BCKDHB: variants seen among roughly 807,000 people sequenced by gnomAD.
BCKDHB encodes the protein 2-oxoisovalerate dehydrogenase subunit beta, mitochondrial.
Under a neutral mutation model 48.5 loss-of-function variants are expected in BCKDHB, and 41 were observed. That is an observed-to-expected ratio of 0.85 (90% CI 0.66 to 1.10). The LOEUF (loss-of-function observed/expected upper bound fraction) is 1.10, where lower values mean the gene tolerates loss of function less well. Among genes scored for constraint, BCKDHB ranks in the 50% least tolerant of loss-of-function variants. The pLI is 0.00. For missense variants in BCKDHB, 496 were observed against 494.2 expected (o/e 1.00, Z -0.03); for synonymous variants, 201 against 174.8 (o/e 1.15, Z -1.18).
At chr6:80,287,699 A>G (rs914695181) in intron 9 of BCKDHB, among the ~76,000 whole-genome samples, 1 of 152,130 alleles carries the variant, frequency 6.6e-6, no homozygotes, top group African/African-American at 2.4e-5. Flanking sequence ...TAAAAGCTTG[A>G]TGGAGCTGGA....
chr6:80,203,093 T>G lies in BCKDHB; in HGVS notation c.841-9T>G, dbSNP rs774698097. Reference sequence around the variant, plus strand: ...AGTCATTCTCTGCATATTTTTCTCTTTATTTCAGGTTCATGTGATCCGAGA... The same window carrying G: ...AGTCATTCTCTGCATATTTTTCTCTGTATTTCAGGTTCATGTGATCCGAGA... On this transcript the variant is annotated splice_polypyrimidine_tract_variant and intron_variant, in intron 7 of 9. Transcript: ENST00000320393. 3.8e-6 allele frequency: 6 copies of G among 1,596,540 alleles called. No homozygotes were observed. In the South Asian group the frequency reaches 5.5e-5, roughly 15 times the overall value.
At chr6:80,131,207 C>T (rs557486479) in intron 3 of BCKDHB, among the ~76,000 whole-genome samples, 1 of 152,276 alleles carries the variant, frequency 6.6e-6, no homozygotes, top group African/African-American at 2.4e-5. Flanking sequence ...CCGTTCTGAG[C>T]TTCAGATCTG....
At chr6:80,255,940 GTGGCCTGAC>G (rs1343610002) in intron 8 of BCKDHB, among the ~76,000 whole-genome samples, 3 of 152,092 alleles carry the variant, frequency 2.0e-5, no homozygotes, top group Non-Finnish European at 4.4e-5. Context: ...CTGGTTCCTG[GTGGCCTGAC>G]TGTACCATTA....
intron 8 of BCKDHB, among the ~76,000 whole-genome samples, chr6:80,205,629 T>G (rs1221798508): frequency 6.6e-6 from 1 of 151,732 alleles, no homozygotes; most frequent in Admixed American, 6.6e-5. Flanking sequence ...CTCAAGGGAG[T>G]TAAAAAATTA....
At chr6:80,293,274 A>T (rs566064035) in intron 9 of BCKDHB, among the ~76,000 whole-genome samples, 8 of 152,296 alleles carry the variant, frequency 5.3e-5, no homozygotes, top group African/African-American at 1.7e-4. Flanking sequence ...ACATCCAGAT[A>T]TTTCCACACA....
chr6:80,310,498 A>G (rs546258535), intron 9 of BCKDHB, among the ~76,000 whole-genome samples: 4 of 152,322 alleles, frequency 2.6e-5, no homozygotes, highest in African/African-American at 2.4e-5. Flanking sequence ...TGTCCAGTCT[A>G]TCATTGACAG....
chr6:80,333,691 C>T (rs796163281), intron 9 of BCKDHB, among the ~76,000 whole-genome samples: 9 of 152,102 alleles, frequency 5.9e-5, no homozygotes, highest in African/African-American at 2.2e-4. Flanking sequence ...TGTAGTTTAG[C>T]CCCAAGTAAG....
At chr6:80,283,415 G>A (rs1766466894) in intron 9 of BCKDHB, among the ~76,000 whole-genome samples, 1 of 151,948 alleles carries the variant, frequency 6.6e-6, no homozygotes. Context: ...GCAATTCTTG[G>A]TATTTCTGTA....
intron 8 of BCKDHB, among the ~76,000 whole-genome samples, chr6:80,238,707 C>T (rs1027644189): frequency 3.3e-5 from 5 of 151,906 alleles, no homozygotes; most frequent in African/African-American, 9.7e-5. Context: ...CCCATTAACT[C>T]GTCATTTACA....
At chr6:80,366,194 C>T in the BCKDHB span, among the ~76,000 whole-genome samples, 1 of 152,136 alleles carries the variant, frequency 6.6e-6, no homozygotes. Context: ...GTTGTAGAGT[C>T]GAGTTCCATG....
intron 1 of BCKDHB, among the ~76,000 whole-genome samples, chr6:80,108,715 C>T (rs1769260645): frequency 6.6e-6 from 1 of 151,992 alleles, no homozygotes; most frequent in Non-Finnish European, 1.5e-5. Flanking sequence ...CAAAAATTAG[C>T]TGGGCGTGGC....
chr6:80,223,163 G>C (rs1446985285), intron 8 of BCKDHB, among the ~76,000 whole-genome samples: 1 of 152,132 alleles, frequency 6.6e-6, no homozygotes, highest in Non-Finnish European at 1.5e-5. Context: ...TGATAGCATA[G>C]TATTATAATT....
chr6:80,156,737 G>A (rs961718349), intron 3 of BCKDHB, among the ~76,000 whole-genome samples: 6 of 152,078 alleles, frequency 3.9e-5, no homozygotes, highest in African/African-American at 9.7e-5. Context: ...GCATTTAGGT[G>A]AATAGGTATT....
At chr6:80,215,906 T>A (rs1022243433) in intron 8 of BCKDHB, among the ~76,000 whole-genome samples, 2 of 152,150 alleles carry the variant, frequency 1.3e-5, no homozygotes, top group African/African-American at 4.8e-5. Context: ...CATGCCCGTC[T>A]AATTTTTTGT....
chr6:80,122,389 CT>C (rs1163739651), intron 1 of BCKDHB, among the ~76,000 whole-genome samples: 30 of 152,288 alleles, frequency 2.0e-4, no homozygotes, highest in African/African-American at 6.5e-4. Flanking sequence ...AGGATTCCTT[CT>C]TTTTCTATTG....
At chr6:80,322,180 T>G (rs1056080799) in intron 9 of BCKDHB, among the ~76,000 whole-genome samples, 2 of 152,028 alleles carry the variant, frequency 1.3e-5, no homozygotes, top group African/African-American at 2.4e-5. Flanking sequence ...ATCAGGTCCA[T>G]GGAAGCCAGC....
the BCKDHB span, among the ~76,000 whole-genome samples, chr6:80,464,366 A>G: frequency 6.6e-6 from 1 of 152,012 alleles, no homozygotes; most frequent in African/African-American, 2.4e-5. Context: ...TTAGCTCATG[A>G]TCCACCCACC....
intron 3 of BCKDHB, among the ~76,000 whole-genome samples, chr6:80,143,052 T>C (rs1771301001): frequency 6.6e-6 from 1 of 152,110 alleles, no homozygotes. Flanking sequence ...AAAGGATCAG[T>C]ATAACAATTT....
intron 3 of BCKDHB, among the ~76,000 whole-genome samples, chr6:80,133,471 T>C (rs555095057): frequency 6.6e-6 from 1 of 152,272 alleles, no homozygotes; most frequent in South Asian, 2.1e-4. Flanking sequence ...AAATAGTATG[T>C]CCTCATCAAC....
Sources: allele counts gnomAD v4.1 joint callset (sites outside exome capture counted in the v4.1 genomes callset), GRCh38; gene constraint gnomAD v4.1.1; transcripts MANE v1.5; gene names NCBI Gene and HGNC (gene_info 2026-07-23, HGNC 2026-07-21).